Variants in ABCB5 observed in about 807,000 individuals in gnomAD.
The protein encoded by ABCB5 is ATP-binding cassette sub-family B member 5.
A neutral mutation model predicts 144.2 loss-of-function variants in ABCB5; 155 were observed. The ratio of observed to expected loss-of-function variants is 1.08; its 90% CI spans 0.94 to 1.23. ABCB5 has a LOEUF of 1.23. ABCB5 is among the 50% of genes most tolerant of loss of function. ABCB5 has a pLI of 0.00. For missense variants in ABCB5, 1,830 were observed against 1,520.8 expected (o/e 1.20, Z -3.38); for synonymous variants, 610 against 528.6 (o/e 1.15, Z -2.11).
intron 14 of ABCB5, chr7:20,659,884 A>G (rs1191319658): frequency 3.3e-6 from 3 of 911,668 alleles, no homozygotes; most frequent in Non-Finnish European, 3.9e-6. Context: ...AGGTTTTGCC[A>G]TGTTGACCAG....
At position 20,755,436 on chromosome 7, in the gene ABCB5, C is replaced by T. The variant is rs374597427; in HGVS notation, c.3586C>T (p.His1196Tyr). The T allele has an allele frequency of 1.9e-5, 31 of 1,614,196 alleles. No homozygotes were observed. The highest frequency in any genetic ancestry group is 1.5e-4 in the African/African-American group (11 of 75,062). ...LDNDSEKVVQ[H>Y]ALDKARTGRT... ...TCTTTCTCTCTTCCAGGTGGTTCAG[C>T]ATGCCCTTGATAAAGCCAGGACGGG... is the stretch of plus-strand genomic sequence containing the variant. The change falls in exon 28 of 28, where the codon CAT becomes TAT. Residue 1196 changes from histidine to tyrosine, a missense_variant. By Grantham distance (83) the His-to-Tyr change is moderately conservative. Coordinates refer to ENST00000404938, the MANE Select transcript of ABCB5 (RefSeq NM_001163941.2).
At chr7:20,719,235 AT>A (rs748818189) in intron 20 of ABCB5, among the ~76,000 whole-genome samples, 3 of 150,120 alleles carry the variant, frequency 2.0e-5, no homozygotes, top group Non-Finnish European at 3.0e-5. Flanking sequence ...AGGGGCCCTC[AT>A]TTTTTTTTAA....
intron 14 of ABCB5, among the ~76,000 whole-genome samples, chr7:20,669,104 G>A (rs552677201): frequency 2.0e-4 from 30 of 150,742 alleles, no homozygotes; most frequent in Non-Finnish European, 4.1e-4. Flanking sequence ...AGGATGGTGG[G>A]GGGGGTCAGC....
intron 1 of ABCB5, among the ~76,000 whole-genome samples, chr7:20,622,011 C>T (rs138761910): frequency 4.9e-4 from 74 of 152,188 alleles, no homozygotes; most frequent in African/African-American, 1.6e-3. Context: ...AAGAACACAA[C>T]GTGCTTTACC....
Position 20,710,521 on chromosome 7 carries a change from TTCTTA to T in ABCB5, c.2421+5721_2421+5725del, listed in dbSNP as rs951926163. Among the ~76,000 whole-genome samples the T allele has an allele frequency of 8.7e-5, 13 of 149,520 alleles. 2 individuals are homozygous for T. Among genetic ancestry groups the T allele is most frequent in the African/African-American group, 3.0e-4 (12 of 40,428 alleles). On this transcript the variant is annotated intron_variant, in intron 20 of 27. Transcript: ENST00000404938. ...AACCATTAAAAAAATATAAAAAACA[TTCTTA>T]TCTTATGGACAATATAAAAGCAGAT...
rs35101575 is a variant in ABCB5, at chr7:20,665,724, AAGATAGAT to A, written c.1707+7084_1707+7091del. Among the ~76,000 whole-genome samples the A allele has an allele frequency of 6.9e-3, 933 of 134,574 alleles. 5 individuals are homozygous for A. Among genetic ancestry groups the A allele is most frequent in the African/African-American group, 0.025 (846 of 33,550 alleles). The allele number at this position is 134,574 out of a possible 152,430, so 88.3% of individuals were successfully genotyped here. On this transcript the variant is annotated intron_variant, in intron 14 of 27. Coordinates refer to ENST00000404938, the MANE Select transcript of ABCB5 (RefSeq NM_001163941.2). ...TTTATCTGGATGAGATAGAGATGGA[AAGATAGAT>A]AGATAGATAGATAGATAGATAGATA...
intron 20 of ABCB5, among the ~76,000 whole-genome samples, chr7:20,711,778 C>CTTTCTTTCTT (rs1554287283): frequency 2.1e-5 from 1 of 47,110 alleles, no homozygotes; most frequent in Non-Finnish European, 3.6e-5. Context: ...TTCCTTCTTT[C>CTTTCTTTCTT]TCTTTCTTTC....
chr7:20,724,608 G>A (rs1240087825), intron 21 of ABCB5, among the ~76,000 whole-genome samples: 2 of 129,310 alleles, frequency 1.5e-5, no homozygotes, highest in Admixed American at 9.4e-5. Flanking sequence ...CAACTTGGGC[G>A]ACAGAGCACA....
Position 20,702,386 on chromosome 7 carries a change from A to T in ABCB5, c.2337+2251A>T, listed in dbSNP as rs147209089. On this transcript the variant is annotated intron_variant, in intron 19 of 27. Coordinates refer to ENST00000404938, the MANE Select transcript of ABCB5 (RefSeq NM_001163941.2). The stretch of plus-strand genomic sequence containing the variant: ...CACTAAGGGGCTTCAAAATTTACCT[A>T]AGCTAATTCCAAAAGGCTTTGAGGT... Among the ~76,000 whole-genome samples, 132 of 152,276 alleles carry T rather than the reference A, an allele frequency of 8.7e-4. 4 individuals are homozygous for T. The East Asian group carries it at 0.024, about 28-fold the overall frequency.
chr7:20,653,921 C>A (rs185984335), intron 13 of ABCB5, among the ~76,000 whole-genome samples: 273 of 152,276 alleles, frequency 1.8e-3, no homozygotes, highest in Middle Eastern at 0.01. Flanking sequence ...TTTTTAACCC[C>A]CCAGGCAAGT....
intron 16 of ABCB5, among the ~76,000 whole-genome samples, chr7:20,696,053 T>C (rs1030020305): frequency 4.6e-5 from 7 of 152,102 alleles, no homozygotes; most frequent in Admixed American, 2.6e-4. Context: ...TCCAGCCATT[T>C]CATTTCTAGA....
In ABCB5 at chr7:20,728,415, T is replaced by C. The variant is rs751910231; in HGVS notation, c.2827T>C (p.Leu943=). ...GGCAGGGTTTCGATTTGGAGCCTAT[T>C]TAATTCAAGCTGGACGAATGACCCC... ...YAAGFRFGAY[L]IQAGRMTPEG... The change falls in exon 23 of 28, where the codon TTA becomes CTA. Residue 943 remains leucine (L), a synonymous_variant. Coordinates refer to ENST00000404938, the MANE Select transcript of ABCB5 (RefSeq NM_001163941.2). The C allele has an allele frequency of 6.2e-7, 1 of 1,614,176 alleles. No individual in the cohort carries two copies. The highest frequency in any genetic ancestry group is 1.1e-5 in the South Asian group (1 of 91,082).
chr7:20,625,926 T>A (rs1382875295), intron 2 of ABCB5, among the ~76,000 whole-genome samples: 1 of 152,170 alleles, frequency 6.6e-6, no homozygotes, highest in Non-Finnish European at 1.5e-5. Context: ...GGCAAAAACA[T>A]ATAATGGAAT....
chr7:20,683,962 A>G (rs1039264368), intron 15 of ABCB5, among the ~76,000 whole-genome samples: 7 of 106 alleles, frequency 0.066, no homozygotes, highest in African/African-American at 0.15. Flanking sequence ...AGTTGACTCT[A>G]CCACTAATAG....
intron 15 of ABCB5, among the ~76,000 whole-genome samples, chr7:20,683,476 A>C (rs1203127719): frequency 2.0e-5 from 3 of 152,194 alleles, no homozygotes; most frequent in Non-Finnish European, 1.5e-5. Context: ...AAACACTATT[A>C]ATACTAGTAT....
chr7:20,736,379 A>G (rs1782380066), intron 23 of ABCB5, among the ~76,000 whole-genome samples: 1 of 152,050 alleles, frequency 6.6e-6, no homozygotes, highest in Non-Finnish European at 1.5e-5. Flanking sequence ...CAACACACCC[A>G]GCTAATTTTT....
Position 20,631,987 on chromosome 7 carries a change from A to G in ABCB5, c.260-72A>G, listed in dbSNP as rs1679002224. On this transcript the variant is annotated intron_variant, in intron 4 of 27. Coordinates refer to ENST00000404938, the MANE Select transcript of ABCB5 (RefSeq NM_001163941.2). The stretch of plus-strand genomic sequence containing the variant: ...TAAGAGTGCACTATATTTGGTTTGG[A>G]GGGCTATCTGTGTAACAGTGTGACC... The G allele has an allele frequency of 4.2e-6, 4 of 949,478 alleles. No individual in the cohort carries two copies. In the African/African-American group the frequency reaches 6.7e-5, roughly 16 times the overall value. The allele number at this position is 949,478 out of a possible 1,614,324, so 58.8% of individuals were successfully genotyped here.
chr7:20,681,018 CTTTCTTTCTTTCTT>C (rs1562558939), intron 14 of ABCB5, among the ~76,000 whole-genome samples: 154 of 12,502 alleles, frequency 0.012, 3 homozygotes, highest in African/African-American at 0.033. Context: ...TTCTTTCTTT[CTTTCTTTCTTTCTT>C]TCTCTTTCTT....
chr7:20,660,424 T>A, intron 14 of ABCB5: 3 of 984,674 alleles, frequency 3.0e-6, no homozygotes, highest in Non-Finnish European at 3.6e-6. Flanking sequence ...TATGGTTTGC[T>A]GGGTCAGGAT....
Sources: gnomAD v4.1 joint callset for allele counts (sites outside exome capture counted in the v4.1 genomes callset) on GRCh38, gnomAD v4.1.1 for gene constraint, MANE v1.5 for transcripts, NCBI Gene and HGNC (gene_info 2026-07-23, HGNC 2026-07-21) for gene names.